Variants in ABL2 observed in about 807,000 individuals in gnomAD.
ABL2 encodes ABL proto-oncogene 2, non-receptor tyrosine kinase, also known as tyrosine-protein kinase ABL2.
Under a neutral mutation model 107.7 loss-of-function variants are expected in ABL2, and 49 were observed. The ratio of observed to expected loss-of-function variants is 0.45; its 90% CI spans 0.36 to 0.58. The LOEUF (loss-of-function observed/expected upper bound fraction) is 0.58, where lower values mean the gene tolerates loss of function less well. Among genes scored for constraint, ABL2 ranks in the 20% least tolerant of loss-of-function variants. The pLI is 0.00. For missense variants in ABL2, 1,245 were observed against 1,457.0 expected (o/e 0.85, Z 2.37); for synonymous variants, 549 against 548.6 (o/e 1.00, Z -0.01).
rs139452940 is a variant in ABL2 at position 179,133,260 on chromosome 1, T to C, written c.220+52A>G. On this transcript the variant is annotated intron_variant, in intron 2 of 11. Transcript: ENST00000502732. ...TTTCAAATCCATTCCCTGTTCTCCATCTCTACTGCCAATGCCTTAGTTCAA... is the reference window on the plus strand; with the variant it reads ...TTTCAAATCCATTCCCTGTTCTCCACCTCTACTGCCAATGCCTTAGTTCAA... 1.6e-5 allele frequency: 25 copies of C among 1,610,662 alleles called. No homozygotes were observed. The African/African-American group carries it at 1.9e-4, about 12-fold the overall frequency.
At chr1:179,173,771 T>C (rs955008938) in intron 1 of ABL2, among the ~76,000 whole-genome samples, 2 of 152,164 alleles carry the variant, frequency 1.3e-5, no homozygotes, top group East Asian at 1.9e-4. Flanking sequence ...ATCAATTCCA[T>C]TGGACATATT....
intron 1 of ABL2, among the ~76,000 whole-genome samples, chr1:179,161,895 A>G (rs1214466108): frequency 6.6e-6 from 1 of 152,124 alleles, no homozygotes; most frequent in Non-Finnish European, 1.5e-5. Flanking sequence ...ATTAATGTCA[A>G]TATAAAATAG....
rs771070927 is a variant in ABL2 at position 179,109,367 on chromosome 1, T to C, written c.1900A>G (p.Ser634Gly). 21 of 1,614,042 alleles carry C rather than the reference T, an allele frequency of 1.3e-5. No homozygotes were observed. The highest frequency in any genetic ancestry group is 1.8e-5 in the Non-Finnish European group (21 of 1,180,046). Reference sequence around the variant, plus strand: ...GTCTCTTTGGCATCTTCCAAGAGGCTGCTGGGTGACTTGTCTCTTTGCTTT... The same window carrying C: ...GTCTCTTTGGCATCTTCCAAGAGGCCGCTGGGTGACTTGTCTCTTTGCTTT... ...PRKQRDKSPSSLLEDAKETCF... is the reference protein window; with the variant it reads ...PRKQRDKSPSGLLEDAKETCF... Residue 634 changes from serine to glycine, a missense_variant, in exon 12 of 12, where the codon AGC (serine) becomes GGC (glycine). This residue lies in a region of ABL2 where 761 missense variants were observed against 766.4 expected (regional missense o/e 0.99). Transcript: ENST00000502732.
chr1:179,113,687 GGGAGGCCGA>G (rs1313849710), intron 9 of ABL2, among the ~76,000 whole-genome samples: 3 of 152,166 alleles, frequency 2.0e-5, no homozygotes, highest in Admixed American at 1.3e-4. Context: ...CCAGCACTTT[GGGAGGCCGA>G]GGCAGGCGGA....
intron 1 of ABL2, among the ~76,000 whole-genome samples, chr1:179,155,584 A>G (rs1407730457): frequency 2.0e-5 from 3 of 151,958 alleles, no homozygotes; most frequent in African/African-American, 7.3e-5. Context: ...CAAAAAAATT[A>G]GCCAGGCGTG....
At position 179,118,703 on chromosome 1, in the gene ABL2, C is replaced by G; in HGVS notation, c.1107G>C (p.Leu369Phe). 6.2e-7 allele frequency: 1 copy of G among 1,614,058 alleles called. No individual in the cohort carries two copies. Among genetic ancestry groups the G allele is most frequent in the Non-Finnish European group, 8.5e-7 (1 of 1,180,014 alleles). ...GGTTGCATTCTCGGAGGTAATCCAG[C>G]AAATTCCCGTATGGCATGTATTCAG... ...IVTEYMPYGN[L>F]LDYLRECNRE... is the part of the protein sequence containing the mutation. The change falls in exon 7 of 12, where the codon TTG (leucine) becomes TTC (phenylalanine). Residue 369 changes from leucine to phenylalanine, a missense_variant. Physicochemically the swap from Leu to Phe is conservative, Grantham distance 22. Transcript: ENST00000502732.
chr1:179,202,853 TAA>T (rs1264581347), intron 1 of ABL2, among the ~76,000 whole-genome samples: 2 of 152,206 alleles, frequency 1.3e-5, no homozygotes, highest in Non-Finnish European at 2.9e-5. Context: ...AAGTAAGTTC[TAA>T]AAAGAGGTAA....
chr1:179,165,671 T>C (rs1001152675), intron 1 of ABL2, among the ~76,000 whole-genome samples: 1 of 152,060 alleles, frequency 6.6e-6, no homozygotes, highest in Non-Finnish European at 1.5e-5. Context: ...TACTTTTACT[T>C]TTCTGGATTA....
In ABL2 at chr1:179,217,122, C is replaced by T. The variant is rs187544207; in HGVS notation, c.157+12119G>A. 2.5e-3 allele frequency among the ~76,000 whole-genome samples: 381 copies of T among 150,932 alleles called. 1 individual carries two copies. Among genetic ancestry groups the T allele is most frequent in the African/African-American group, 9.0e-3 (369 of 41,182 alleles). On this transcript the variant is annotated intron_variant, in intron 1 of 11. Transcript: ENST00000502732. ...ACCAGCCTGGCCAACGTGGTGAAAC[C>T]GTCTCTACTAAAAATACAAAAATTA...
intron 1 of ABL2, 74 bp downstream of exon 1, chr1:179,229,167 T>TA: frequency 2.5e-6 from 1 of 402,572 alleles, no homozygotes; most frequent in Non-Finnish European, 4.6e-6. Flanking sequence ...GGGCAGCCCG[T>TA]CCGCCACCCA....
intron 1 of ABL2, among the ~76,000 whole-genome samples, chr1:179,171,186 T>C (rs1253728472): frequency 2.0e-5 from 3 of 152,240 alleles, no homozygotes; most frequent in African/African-American, 4.8e-5. Context: ...TGACTGGTGA[T>C]TGCCTTTATA....
intron 1 of ABL2, among the ~76,000 whole-genome samples, chr1:179,154,789 C>T (rs910105721): frequency 2.0e-5 from 3 of 152,130 alleles, no homozygotes; most frequent in African/African-American, 7.2e-5. Flanking sequence ...TATTATTTGC[C>T]TTCTTATTGA....
chr1:179,196,786 CA>C (rs71874448), intron 1 of ABL2, among the ~76,000 whole-genome samples: 62 of 133,842 alleles, frequency 4.6e-4, no homozygotes, highest in South Asian at 1.5e-3. Context: ...CAAAAAAAAA[CA>C]AAAAAAAAAA....
At chr1:179,149,504 A>G (rs939284370) in intron 1 of ABL2, among the ~76,000 whole-genome samples, 5 of 152,204 alleles carry the variant, frequency 3.3e-5, no homozygotes, top group African/African-American at 9.7e-5. Flanking sequence ...ACACCCTTCA[A>G]TTGGAATAAG....
At chr1:179,147,530 A>G (rs1658080434) in intron 1 of ABL2, among the ~76,000 whole-genome samples, 1 of 152,230 alleles carries the variant, frequency 6.6e-6, no homozygotes, top group Non-Finnish European at 1.5e-5. Flanking sequence ...AATACTACTT[A>G]GCCATAAAGA....
Position 179,216,858 on chromosome 1 carries a change from A to G in ABL2, c.157+12383T>C, listed in dbSNP as rs570157950. Among the ~76,000 whole-genome samples the G allele has an allele frequency of 9.4e-4, 143 of 151,548 alleles. 1 individual carries two copies. The highest frequency in any genetic ancestry group is 1.7e-3 in the Non-Finnish European group (117 of 67,878). On this transcript the variant is annotated intron_variant, in intron 1 of 11. Transcript: ENST00000502732. The stretch of plus-strand genomic sequence containing the variant: ...GCCACCATGCCCGGCTAATTTTTGT[A>G]TTTTTAGTAGAGGTGGGGTTTCACC...
chr1:179,181,722 C>T (rs539121799), intron 1 of ABL2, among the ~76,000 whole-genome samples: 3 of 152,154 alleles, frequency 2.0e-5, no homozygotes, highest in Admixed American at 2.0e-4. Context: ...CTTGTGACCC[C>T]ACCAGATCTC....
chr1:179,197,556 CAAAAAAA>C (rs545832945), intron 1 of ABL2, among the ~76,000 whole-genome samples: 30 of 75,924 alleles, frequency 4.0e-4, no homozygotes, highest in Admixed American at 6.1e-4. Flanking sequence ...CTGCTTGGTT[CAAAAAAA>C]AAAAAAAAAA....
intron 11 of ABL2, among the ~76,000 whole-genome samples, 186 bp downstream of exon 11, chr1:179,110,096 C>T (rs1178413131): frequency 1.3e-5 from 2 of 152,120 alleles, no homozygotes; most frequent in Non-Finnish European, 2.9e-5. Flanking sequence ...CCCAGGGGTA[C>T]GGAGATGAAA....
Sources: allele counts gnomAD v4.1 joint callset (sites outside exome capture counted in the v4.1 genomes callset), GRCh38; gene constraint gnomAD v4.1.1; regional missense constraint gnomAD v4.1.1; transcripts MANE v1.5; gene names NCBI Gene and HGNC (gene_info 2026-07-23, HGNC 2026-07-21).